Variants in FBXL7 observed in about 807,000 individuals in gnomAD.
FBXL7 encodes the protein F-box and leucine rich repeat protein 7.
In FBXL7, 12 loss-of-function variants were observed where a neutral mutation model predicts 38.3. That is an observed-to-expected ratio of 0.31 (90% CI 0.20 to 0.51). The LOEUF (loss-of-function observed/expected upper bound fraction) is 0.51. FBXL7 is among the 20% of genes least tolerant of loss of function. The probability of loss-of-function intolerance (pLI) is 0.98; values close to 1 mark genes in which losing one functional copy is unlikely to be tolerated. For missense variants in FBXL7, 567 were observed against 676.4 expected, an observed-to-expected ratio of 0.84 and a Z score of 1.79; for synonymous variants, 297 against 300.9, an observed-to-expected ratio of 0.99 and a Z score of 0.13.
intron 2 of FBXL7, among the ~76,000 whole-genome samples, chr5:15,667,776 A>T (rs1001527893): frequency 1.3e-5 from 2 of 152,124 alleles, no homozygotes; most frequent in African/African-American, 4.8e-5. Flanking sequence ...CATTCAGGTG[A>T]TATCCAGTCC....
At position 15,664,564 on chromosome 5, in the gene FBXL7, C is replaced by T. The variant is rs12055198; in HGVS notation, c.127+48492C>T. Among the ~76,000 whole-genome samples the T allele has an allele frequency of 2.0e-5, 3 of 149,736 alleles. No homozygotes were observed. The East Asian group carries it at 6.0e-4, about 30-fold the overall frequency. Reference sequence around the variant, plus strand: ...TTGGCTTACTGCAACCTCCGCCTCCCGGGTTCAAGTGGTTCTCCTGCCTCA... The same window carrying T: ...TTGGCTTACTGCAACCTCCGCCTCCTGGGTTCAAGTGGTTCTCCTGCCTCA... On this transcript the variant is annotated intron_variant, in intron 2 of 3. Coordinates refer to ENST00000504595, the MANE Select transcript of FBXL7 (RefSeq NM_012304.5).
At chr5:15,808,408 C>G (rs531473593) in intron 2 of FBXL7, among the ~76,000 whole-genome samples, 3 of 152,148 alleles carry the variant, frequency 2.0e-5, no homozygotes, top group Admixed American at 1.3e-4. Flanking sequence ...CATGGACTTG[C>G]GATAGCCAAT....
At chr5:15,921,063 A>G (rs1466305852) in intron 2 of FBXL7, among the ~76,000 whole-genome samples, 1 of 152,052 alleles carries the variant, frequency 6.6e-6, no homozygotes, top group Non-Finnish European at 1.5e-5. Context: ...TTACGATTTT[A>G]TAATTGTTGC....
intron 1 of FBXL7, among the ~76,000 whole-genome samples, chr5:15,558,926 C>T (rs1366941515): frequency 6.6e-6 from 1 of 152,082 alleles, no homozygotes; most frequent in East Asian, 1.9e-4. Flanking sequence ...CTGTGGGAGC[C>T]ATGTGATCTC....
chr5:15,541,443 G>GTGTATATATATATATA (rs1264820921), intron 1 of FBXL7, among the ~76,000 whole-genome samples: 5 of 38,442 alleles, frequency 1.3e-4, no homozygotes, highest in East Asian at 7.6e-4. Flanking sequence ...GTGTGTGTGT[G>GTGTATATATATATATA]TATATATATA....
chr5:15,798,865 G>A (rs1033265491), intron 2 of FBXL7, among the ~76,000 whole-genome samples: 13 of 152,022 alleles, frequency 8.6e-5, no homozygotes, highest in African/African-American at 3.1e-4. Flanking sequence ...TCTAACTTTG[G>A]TCAGCCTTGA....
At chr5:15,930,200 A>G (rs1393596484) in intron 3 of FBXL7, among the ~76,000 whole-genome samples, 1 of 152,094 alleles carries the variant, frequency 6.6e-6, no homozygotes, top group Non-Finnish European at 1.5e-5. Flanking sequence ...GTTTTCTTAC[A>G]TTTTTCCTCC....
At chr5:15,540,902 C>T (rs373619657) in intron 1 of FBXL7, among the ~76,000 whole-genome samples, 1 of 152,128 alleles carries the variant, frequency 6.6e-6, no homozygotes, top group Non-Finnish European at 1.5e-5. Context: ...CTGATAGTAT[C>T]ACTTTCAGGG....
At chr5:15,646,899 G>C (rs1456645738) in intron 2 of FBXL7, among the ~76,000 whole-genome samples, 1 of 152,190 alleles carries the variant, frequency 6.6e-6, no homozygotes, top group Non-Finnish European at 1.5e-5. Context: ...TGAAGGTTCA[G>C]ATCACTTTTT....
At chr5:15,507,677 G>T (rs575031715) in intron 1 of FBXL7, among the ~76,000 whole-genome samples, 21 of 152,182 alleles carry the variant, frequency 1.4e-4, no homozygotes, top group African/African-American at 4.3e-4. Context: ...ATGGATGAAG[G>T]GAATAAATAA....
At position 15,643,012 on chromosome 5, in the gene FBXL7, A is replaced by C. The variant is rs139480904; in HGVS notation, c.127+26940A>C. On this transcript the variant is annotated intron_variant, in intron 2 of 3. Transcript: ENST00000504595. ...AGGTTTCATTTGCTTTTCCCCCTTA[A>C]TACATGAATCCTTTTATGTGTTTAA... is the stretch of plus-strand genomic sequence containing the variant. Among the ~76,000 whole-genome samples the C allele has an allele frequency of 9.7e-4, 147 of 152,234 alleles. 1 individual carries two copies. The East Asian group carries it at 0.026, about 27-fold the overall frequency.
chr5:15,852,993 G>A (rs1389370059), intron 2 of FBXL7, among the ~76,000 whole-genome samples: 4 of 152,306 alleles, frequency 2.6e-5, no homozygotes, highest in African/African-American at 9.6e-5. Context: ...GCTGACTATT[G>A]TAAGCTTTAG....
At chr5:15,693,736 T>C (rs1452475876) in intron 2 of FBXL7, among the ~76,000 whole-genome samples, 3 of 152,070 alleles carry the variant, frequency 2.0e-5, no homozygotes, top group Non-Finnish European at 4.4e-5. Context: ...AGGCCATCAG[T>C]GGTGGAACGA....
chr5:15,812,371 G>A (rs1233578178), intron 2 of FBXL7, among the ~76,000 whole-genome samples: 1 of 152,078 alleles, frequency 6.6e-6, no homozygotes, highest in African/African-American at 2.4e-5. Flanking sequence ...AGAGCATTAG[G>A]AAAAATACCT....
chr5:15,933,101 G>A (rs1386697224), intron 3 of FBXL7, among the ~76,000 whole-genome samples: 1 of 152,060 alleles, frequency 6.6e-6, no homozygotes, highest in African/African-American at 2.4e-5. Context: ...TTGAATGTGT[G>A]AACTAATCAT....
At chr5:15,616,221 T>TTTG (rs142993120) in intron 2 of FBXL7, 149 bp downstream of exon 2, 36 of 567,978 alleles carry the variant, frequency 6.3e-5, no homozygotes, top group Admixed American at 4.4e-4. Flanking sequence ...TCTCCTAAGT[T>TTTG]TTGTTGTTGT....
intron 2 of FBXL7, among the ~76,000 whole-genome samples, chr5:15,882,182 A>G (rs1740483526): frequency 6.6e-6 from 1 of 152,268 alleles, no homozygotes; most frequent in African/African-American, 2.4e-5. Context: ...ACCTCCAACA[A>G]TGGGGATTAC....
At chr5:15,591,279 G>T (rs1490306079) in intron 1 of FBXL7, among the ~76,000 whole-genome samples, 1 of 151,684 alleles carries the variant, frequency 6.6e-6, no homozygotes, top group Non-Finnish European at 1.5e-5. Context: ...AATACAAAAA[G>T]TTAGCTGGGC....
chr5:15,647,942 T>C (rs1580432367), intron 2 of FBXL7, among the ~76,000 whole-genome samples: 1 of 152,350 alleles, frequency 6.6e-6, no homozygotes, highest in Admixed American at 6.5e-5. Flanking sequence ...ACACTGCCTC[T>C]GTGAAGCCTG....
Sources: gnomAD v4.1 joint callset for allele counts (sites outside exome capture counted in the v4.1 genomes callset) on GRCh38, gnomAD v4.1.1 for gene constraint, MANE v1.5 for transcripts, NCBI Gene and HGNC (gene_info 2026-07-23, HGNC 2026-07-21) for gene names.